The following TNFRSF1B variants were observed in gnomAD, a reference collection of about 807,000 sequenced individuals.
TNFRSF1B encodes the protein tumor necrosis factor receptor superfamily member 1B.
Under a neutral mutation model 44.6 loss-of-function variants are expected in TNFRSF1B, and 19 were observed. That is an observed-to-expected ratio of 0.43 (90% CI 0.30 to 0.62). The LOEUF is 0.62. TNFRSF1B is among the 20% of genes least tolerant of loss of function. The pLI, the probability that TNFRSF1B is intolerant of heterozygous loss-of-function variation, is 0.16. For missense variants in TNFRSF1B, 541 were observed against 619.9 expected (o/e 0.87, Z 1.35); for synonymous variants, 252 against 261.1 (o/e 0.97, Z 0.34).
Position 12,205,508 on chromosome 1 carries a change from G to A in TNFRSF1B, c.1106-1232G>A, listed in dbSNP as rs377087303. Among the ~76,000 whole-genome samples, 119 of 152,308 alleles carry A rather than the reference G, an allele frequency of 7.8e-4. 1 individual carries two copies. Among genetic ancestry groups the A allele is most frequent in the African/African-American group, 2.7e-3 (113 of 41,570 alleles). On this transcript the variant is annotated intron_variant, in intron 9 of 9. Transcript: ENST00000376259. ...GGGAAACAGATTTCAGAGGGGTGGG[G>A]TTGAAGCCAGGACAGATGGAGGCTG...
At chr1:12,183,850 T>C (rs112520310) in intron 1 of TNFRSF1B, among the ~76,000 whole-genome samples, 10,879 of 137,224 alleles carry the variant, frequency 0.079, 1,123 homozygotes, top group Middle Eastern at 0.14. Flanking sequence ...TATCTATCTA[T>C]CTACCTACCT....
rs772504515 is a variant in TNFRSF1B at position 12,174,267 on chromosome 1, T to TTTA, written c.78+7098_78+7099insTTA. ...CTCCTTCTCCTTCTCCTTCTTCTTC[T>TTTA]GATGGAGTCTGACTCCGTTGCCCAG... On this transcript the variant is annotated intron_variant, in intron 1 of 9. Coordinates refer to ENST00000376259, the MANE Select transcript of TNFRSF1B (RefSeq NM_001066.3). 7.9e-4 allele frequency among the ~76,000 whole-genome samples: 115 copies of TTTA among 144,948 alleles called. 3 individuals are homozygous for TTTA. The highest frequency in any genetic ancestry group is 1.3e-3 in the African/African-American group (49 of 38,956).
rs5746049 is a variant in TNFRSF1B at position 12,200,812 on chromosome 1, G to A, written c.901-1155G>A. Among the ~76,000 whole-genome samples the A allele has an allele frequency of 3.0e-3, 454 of 152,176 alleles. 1 individual carries two copies. Among genetic ancestry groups the A allele is most frequent in the Non-Finnish European group, 4.6e-3 (313 of 68,020 alleles). ...AATTTTGTATTTTTAGTAGAGACGG[G>A]GTTTTGCCATGTTGGTCAGGCTGGT... On this transcript the variant is annotated intron_variant, in intron 8 of 9. Transcript: ENST00000376259.
chr1:12,201,361 G>A (rs1639387440), intron 8 of TNFRSF1B, among the ~76,000 whole-genome samples: 1 of 150,290 alleles, frequency 6.7e-6, no homozygotes, highest in Non-Finnish European at 1.5e-5. Flanking sequence ...ACAAACTCTT[G>A]TATGGAGTTT....
chr1:12,200,620 G>A (rs1257101457), intron 8 of TNFRSF1B, among the ~76,000 whole-genome samples: 2 of 151,988 alleles, frequency 1.3e-5, no homozygotes, highest in East Asian at 1.9e-4. Flanking sequence ...TCCATGTGCC[G>A]CAAATTATTC....
At chr1:12,174,166 C>CTTCTTCTT (rs1557623710) in intron 1 of TNFRSF1B, among the ~76,000 whole-genome samples, 78 of 55,842 alleles carry the variant, frequency 1.4e-3, no homozygotes, top group East Asian at 4.0e-3. Context: ...TTCTTCTTCT[C>CTTCTTCTT]CTTCTCCTTC....
In TNFRSF1B at chr1:12,178,146, T is replaced by C. The variant is rs937748957; in HGVS notation, c.79-10650T>C. Among the ~76,000 whole-genome samples the C allele has an allele frequency of 6.6e-6, 1 of 152,204 alleles. No homozygotes were observed. Among genetic ancestry groups the C allele is most frequent in the African/African-American group, 2.4e-5 (1 of 41,450 alleles). On this transcript the variant is annotated intron_variant, in intron 1 of 9. Coordinates refer to ENST00000376259, the MANE Select transcript of TNFRSF1B (RefSeq NM_001066.3). The surrounding 1 kb of genome is among the most constrained non-coding windows in gnomAD (Gnocchi z 4.3). ...GCTGCTCTGAGGACGCCGCCCCCTC[T>C]CTTTGTAAGTCCATTTCCTGCCCAT...
chr1:12,193,443 G>T (rs192512506), intron 6 of TNFRSF1B, among the ~76,000 whole-genome samples: 1 of 152,310 alleles, frequency 6.6e-6, no homozygotes, highest in East Asian at 1.9e-4. Flanking sequence ...TGGGTGGGAT[G>T]GTGCCTATTG....
chr1:12,172,249 C>A lies in TNFRSF1B; in HGVS notation c.78+5080C>A, dbSNP rs1570122315. The stretch of plus-strand genomic sequence containing the variant: ...GGACCCTCGTCTGGCCACAGGGAAG[C>A]AGCACTGATGACTCTGGGGAAAGGC... On this transcript the variant is annotated intron_variant, in intron 1 of 9. Transcript: ENST00000376259. Among the ~76,000 whole-genome samples, 2 of 152,218 alleles carry A rather than the reference C, an allele frequency of 1.3e-5. 1 individual carries two copies. Among genetic ancestry groups the A allele is most frequent in the South Asian group, 4.1e-4 (2 of 4,834 alleles).
Position 12,202,164 on chromosome 1 carries a change from G to C in TNFRSF1B, c.1098G>C (p.Gly366=), listed in dbSNP as rs1639408446. The C allele has an allele frequency of 1.3e-6, 2 of 1,547,156 alleles. No homozygotes were observed. Among genetic ancestry groups the C allele is most frequent in the African/African-American group, 1.4e-5 (1 of 73,238 alleles). Residue 366 remains glycine, a synonymous_variant, in exon 9 of 10, where the codon GGG becomes GGC. Coordinates refer to ENST00000376259, the MANE Select transcript of TNFRSF1B (RefSeq NM_001066.3). ...CCGGGGAGGCCCGGGCCAGCACCGGGAGCTCAGGTAAGAGGTGGGAGCACA... is the reference window on the plus strand; with the variant it reads ...CCGGGGAGGCCCGGGCCAGCACCGGCAGCTCAGGTAAGAGGTGGGAGCACA... The part of the protein sequence containing the change: ...SGAGEARAST[G]SSDSSPGGHG...
At chr1:12,196,926 T>G (rs949969490) in intron 8 of TNFRSF1B, among the ~76,000 whole-genome samples, 56 of 151,784 alleles carry the variant, frequency 3.7e-4, no homozygotes, top group African/African-American at 1.3e-3. Flanking sequence ...TAGCAGCCTC[T>G]GCTTCCCTTT....
chr1:12,167,886 C>G (rs1638431849), intron 1 of TNFRSF1B, among the ~76,000 whole-genome samples: 1 of 152,152 alleles, frequency 6.6e-6, no homozygotes, highest in Non-Finnish European at 1.5e-5. Flanking sequence ...AAAATGGAGA[C>G]AGCAGAAACC....
rs1553163383 is a variant in TNFRSF1B at position 12,183,711 on chromosome 1, T to TCTATCTATCTATTCTA, written c.79-5085_79-5084insCTATCTATCTATTCTA. ...ATCTATCTATCTATCTATCTATCTA[T>TCTATCTATCTATTCTA]TCTATCTACCTATCTATCTATCTAT... On this transcript the variant is annotated intron_variant, in intron 1 of 9. Transcript: ENST00000376259. 1.5e-3 allele frequency among the ~76,000 whole-genome samples: 141 copies of TCTATCTATCTATTCTA among 93,260 alleles called. 1 individual carries two copies. The highest frequency in any genetic ancestry group is 2.4e-3 in the South Asian group (6 of 2,468). The allele number at this position is 93,260 out of a possible 152,430, so 61.2% of individuals were successfully genotyped here.
chr1:12,175,239 G>T (rs1217274335), intron 1 of TNFRSF1B, among the ~76,000 whole-genome samples: 1 of 152,326 alleles, frequency 6.6e-6, no homozygotes, highest in South Asian at 2.1e-4. Flanking sequence ...CCTCATCTTG[G>T]CCCGGCCTCT....
At chr1:12,191,663 G>GTCCGCCAGCCTCCTGGAGA in intron 3 of TNFRSF1B, 111 bp from the exon 4 acceptor site, 3 of 1,423,148 alleles carry the variant, frequency 2.1e-6, no homozygotes, top group Non-Finnish European at 2.9e-6. Context: ...TGCTGAGGCG[G>GTCCGCCAGCCTCCTGGAGA]TCCGCCAGCC....
chr1:12,174,596 G>A (rs1012109408), intron 1 of TNFRSF1B, among the ~76,000 whole-genome samples: 2 of 152,170 alleles, frequency 1.3e-5, no homozygotes, highest in African/African-American at 4.8e-5. Context: ...TCACCCTGGA[G>A]GTTCATGGTT....
At chr1:12,191,725 G>GGT (rs776137552) in intron 3 of TNFRSF1B, 49 bp from the exon 4 acceptor site, 1 of 1,610,020 alleles carries the variant, frequency 6.2e-7, no homozygotes. Context: ...GGGCAGCGTG[G>GGT]GTGTGGCGGA....
chr1:12,192,063 C>T (rs1639149250), intron 4 of TNFRSF1B, 140 bp downstream of exon 4: 2 of 1,182,232 alleles, frequency 1.7e-6, no homozygotes, highest in Non-Finnish European at 2.3e-6. Context: ...GCTACCCATC[C>T]GTCTGTCCAC....
intron 1 of TNFRSF1B, among the ~76,000 whole-genome samples, chr1:12,184,902 G>C (rs1442249469): frequency 6.6e-6 from 1 of 152,194 alleles, no homozygotes; most frequent in South Asian, 2.1e-4. Context: ...TGTGCGGGGT[G>C]GGGGGCTGCC....
Sources: gnomAD v4.1 joint callset for allele counts (sites outside exome capture counted in the v4.1 genomes callset) on GRCh38, gnomAD v4.1.1 for gene constraint, Gnocchi (gnomAD v3.1) non-coding constraint, MANE v1.5 for transcripts, NCBI Gene and HGNC (gene_info 2026-07-23, HGNC 2026-07-21) for gene names.